The following TCF4 variants were observed in gnomAD, a reference collection of about 807,000 sequenced individuals.
The protein encoded by TCF4 is transcription factor 4, also known as SL3-3 enhancer factor 2.
In TCF4, 3 loss-of-function variants were observed where a neutral mutation model predicts 82.1. That is an observed-to-expected ratio of 0.04 (90% CI 0.02 to 0.09). TCF4 has a LOEUF of 0.09. Among genes scored for constraint, TCF4 ranks in the 10% least tolerant of loss-of-function variants. The pLI is 1.00. For synonymous variants in TCF4, 276 were observed against 309.6 expected, an observed-to-expected ratio of 0.89 and a Z score of 1.14; for missense variants, 518 against 852.7, an observed-to-expected ratio of 0.61 and a Z score of 4.89.
chr18:55,362,342 G>T (rs1412245946), intron 6 of TCF4, among the ~76,000 whole-genome samples: 1 of 58,802 alleles, frequency 1.7e-5, no homozygotes, highest in African/African-American at 8.1e-5. Flanking sequence ...AAAAAAAGAG[G>T]AAGGAAGGAA....
At chr18:55,468,669 T>C (rs1388747101) in intron 3 of TCF4, among the ~76,000 whole-genome samples, 1 of 152,218 alleles carries the variant, frequency 6.6e-6, no homozygotes, top group African/African-American at 2.4e-5. Context: ...TCTTGTGTGG[T>C]ACTGTACAAT....
chr18:55,268,691 C>A (rs1441315001), intron 11 of TCF4: 2 of 152,128 alleles, frequency 1.3e-5, no homozygotes, highest in East Asian at 3.9e-4. Context: ...TCTCCTCCAA[C>A]ATCAAAAACT....
At chr18:55,593,774 T>C (rs1302198759) in intron 2 of TCF4, among the ~76,000 whole-genome samples, 1 of 152,112 alleles carries the variant, frequency 6.6e-6, no homozygotes, top group African/African-American at 2.4e-5. Flanking sequence ...AGCAAGTAAT[T>C]TTTGAGCATC....
chr18:55,237,434 C>T (rs1318269925), intron 15 of TCF4, among the ~76,000 whole-genome samples: 2 of 150,534 alleles, frequency 1.3e-5, no homozygotes, highest in Non-Finnish European at 3.0e-5. Flanking sequence ...CAATCATTTT[C>T]CATAAAGAAT....
intron 8 of TCF4, among the ~76,000 whole-genome samples, chr18:55,337,598 A>T (rs1436600502): frequency 6.6e-6 from 1 of 152,230 alleles, no homozygotes; most frequent in African/African-American, 2.4e-5. Flanking sequence ...ATCTGAATTC[A>T]ATCTGGCTAT....
chr18:55,314,892 T>C (rs2073688063), intron 8 of TCF4, among the ~76,000 whole-genome samples: 1 of 152,088 alleles, frequency 6.6e-6, no homozygotes, highest in Admixed American at 6.6e-5. Flanking sequence ...ATTGGTGCAG[T>C]CATTCAGTAC....
chr18:55,362,434 GAAAAAA>G (rs1168719900), intron 6 of TCF4, among the ~76,000 whole-genome samples: 6 of 118,082 alleles, frequency 5.1e-5, no homozygotes, highest in African/African-American at 1.4e-4. Flanking sequence ...AGGAAGGAAG[GAAAAAA>G]AAAAAGAAGA....
chr18:55,348,984 T>C (rs1029727540), intron 8 of TCF4, among the ~76,000 whole-genome samples: 8 of 152,130 alleles, frequency 5.3e-5, no homozygotes, highest in African/African-American at 7.2e-5. Context: ...TAAAGTTTCA[T>C]CAACATTAAA....
chr18:55,603,773 C>T (rs1440579978), intron 2 of TCF4, among the ~76,000 whole-genome samples: 1 of 152,072 alleles, frequency 6.6e-6, no homozygotes, highest in Non-Finnish European at 1.5e-5. Flanking sequence ...GCTTACTGTC[C>T]CTGTGAGCAG....
At chr18:55,585,252 C>T in intron 3 of TCF4, 28 bp downstream of exon 3, 1 of 1,603,548 alleles carries the variant, frequency 6.2e-7, no homozygotes. Flanking sequence ...GAACATTTAA[C>T]TTAACACTAA....
At chr18:55,605,706 G>A (rs375771773) in intron 2 of TCF4, among the ~76,000 whole-genome samples, 3 of 152,222 alleles carry the variant, frequency 2.0e-5, no homozygotes, top group Non-Finnish European at 4.4e-5. Context: ...ATAAAGATGC[G>A]GCTACAATCA....
rs772814890 is a variant in TCF4, at chr18:55,604,309, T to C, written c.287-17173A>G. On this transcript the variant is annotated intron_variant, in intron 2 of 20. Transcript: ENST00000398339. ...CAGAATCCTTGGAGAAACTGCTCCA[T>C]TGTGTGTCAAGGACACACACTAGGA... Among the ~76,000 whole-genome samples the C allele has an allele frequency of 2.6e-5, 4 of 152,200 alleles. No homozygotes were observed. In the East Asian group the frequency reaches 5.8e-4, roughly 22 times the overall value.
At chr18:55,241,404 T>C (rs927396967) in intron 15 of TCF4, among the ~76,000 whole-genome samples, 6 of 152,318 alleles carry the variant, frequency 3.9e-5, no homozygotes, top group Admixed American at 3.3e-4. Context: ...GGCTAGTAAG[T>C]AGATGGTATG....
intron 9 of TCF4, among the ~76,000 whole-genome samples, chr18:55,278,031 G>A (rs56666482): frequency 0.066 from 10,059 of 152,084 alleles, 443 homozygotes; most frequent in African/African-American, 0.11. Flanking sequence ...TCTGACACAC[G>A]GGCTCTATTA....
chr18:55,588,595 T>G, upstream of TCF4: 1 of 1,515,248 alleles, frequency 6.6e-7, no homozygotes, highest in Non-Finnish European at 8.8e-7. Flanking sequence ...TTCTTTCTCT[T>G]ACTCTCGTTC....
chr18:55,280,396 G>A (rs1170068730), intron 8 of TCF4, among the ~76,000 whole-genome samples: 2 of 151,932 alleles, frequency 1.3e-5, no homozygotes, highest in African/African-American at 4.8e-5. Flanking sequence ...CATGAGACTT[G>A]GGAAACCAAT....
chr18:55,606,293 G>T (rs978942454), intron 2 of TCF4, among the ~76,000 whole-genome samples: 4 of 152,164 alleles, frequency 2.6e-5, no homozygotes, highest in African/African-American at 9.7e-5. Context: ...AAGTTACGGG[G>T]AACATCTTTA....
intron 3 of TCF4, among the ~76,000 whole-genome samples, chr18:55,541,657 C>T (rs1465512449): frequency 6.6e-6 from 1 of 151,908 alleles, no homozygotes; most frequent in East Asian, 1.9e-4. Context: ...ATCTTATCTA[C>T]CAGAACCTTT....
intron 3 of TCF4, among the ~76,000 whole-genome samples, chr18:55,579,036 G>A (rs888388546): frequency 1.3e-5 from 2 of 151,330 alleles, no homozygotes; most frequent in Admixed American, 6.6e-5. Flanking sequence ...AAGTAAACAT[G>A]ACAACCTTTT....
Sources: gnomAD v4.1 joint callset for allele counts (sites outside exome capture counted in the v4.1 genomes callset) on GRCh38, gnomAD v4.1.1 for gene constraint, MANE v1.5 for transcripts, NCBI Gene and HGNC (gene_info 2026-07-23, HGNC 2026-07-21) for gene names.